Variants in ITPRID1 observed in about 807,000 individuals in gnomAD.
ITPRID1 encodes the protein protein ITPRID1.
Under a neutral mutation model 95.4 loss-of-function variants are expected in ITPRID1, and 96 were observed. The ratio of observed to expected loss-of-function variants is 1.01; its 90% CI spans 0.85 to 1.19. ITPRID1 has a LOEUF of 1.19. ITPRID1 is among the 50% of genes most tolerant of loss of function. The pLI is 0.00. For missense variants in ITPRID1, 1,339 were observed against 1,252.9 expected (o/e 1.07, Z -1.04); for synonymous variants, 510 against 453.6 (o/e 1.12, Z -1.58).
intron 2 of ITPRID1, among the ~76,000 whole-genome samples, chr7:31,551,259 A>G (rs68091767): frequency 0.3 from 43,087 of 142,614 alleles, 10,850 homozygotes; most frequent in Middle Eastern, 0.48. Flanking sequence ...ACTGCTGAAG[A>G]GTTATGTGTT....
chr7:31,594,108 C>T (rs895635054), intron 10 of ITPRID1, among the ~76,000 whole-genome samples: 15 of 152,096 alleles, frequency 9.9e-5, no homozygotes, highest in East Asian at 3.9e-4. Flanking sequence ...TTCTATGTTG[C>T]GATACCCAAA....
intron 1 of ITPRID1, among the ~76,000 whole-genome samples, chr7:31,537,095 T>TTGTG (rs66543091): frequency 0.019 from 2,785 of 145,544 alleles, 24 homozygotes; most frequent in Middle Eastern, 0.031. Flanking sequence ...GGTGTGTGTG[T>TTGTG]TGTGTGTGTG....
chr7:31,615,964 C>T (rs192669472), intron 10 of ITPRID1, among the ~76,000 whole-genome samples: 34 of 151,980 alleles, frequency 2.2e-4, no homozygotes, highest in African/African-American at 4.8e-4. Context: ...ACTGTGGTCT[C>T]GCTCTCCTGA....
intron 10 of ITPRID1, among the ~76,000 whole-genome samples, chr7:31,599,694 T>TCTCTCTCTCTCTCTCTCTC (rs1562599189): frequency 1.0e-5 from 1 of 95,888 alleles, no homozygotes; most frequent in African/African-American, 4.4e-5. Context: ...CTCTCTCTCT[T>TCTCTCTCTCTCTCTCTCTC]TCTTTCTTTC....
At chr7:31,591,039 T>G (rs146467270) in intron 10 of ITPRID1, among the ~76,000 whole-genome samples, 1 of 152,146 alleles carries the variant, frequency 6.6e-6, no homozygotes. Flanking sequence ...AGGAGTCCCT[T>G]GCATCTGGGA....
rs537252825 is a variant in ITPRID1, at chr7:31,614,029, A to G, written c.1229-28147A>G. Among the ~76,000 whole-genome samples the G allele has an allele frequency of 5.9e-5, 9 of 152,340 alleles. No individual in the cohort carries two copies. The South Asian group carries it at 1.5e-3, about 25-fold the overall frequency. Reference sequence around the variant, plus strand: ...GCTCAGAGGAGTAAAGTGACTTGCCATGAACAACCAGCTGGTAGGCACCAG... The same window carrying G: ...GCTCAGAGGAGTAAAGTGACTTGCCGTGAACAACCAGCTGGTAGGCACCAG... On this transcript the variant is annotated intron_variant, in intron 10 of 14. Transcript: ENST00000615280.
chr7:31,642,963 A>G lies in ITPRID1; in HGVS notation c.1593A>G (p.Gly531=). 6.2e-7 allele frequency: 1 copy of G among 1,614,018 alleles called. No individual in the cohort carries two copies. The highest frequency in any genetic ancestry group is 8.5e-7 in the Non-Finnish European group (1 of 1,179,892). ...DMACAKTTTR[G]ECPRKDSHLW... is the part of the protein sequence containing the mutation. ...CCTGTGCCAAGACCACCACGAGGGG[A>G]GAATGCCCAAGGAAAGACAGCCATC... The change falls in exon 12 of 15, where the codon GGA becomes GGG. Residue 531 remains glycine (G), a synonymous_variant. Transcript: ENST00000615280.
chr7:31,555,051 G>A (rs1400964687), intron 5 of ITPRID1, 150 bp downstream of exon 5: 2 of 624,740 alleles, frequency 3.2e-6, no homozygotes, highest in East Asian at 5.8e-5. Flanking sequence ...CTCTTCATTT[G>A]ACATATGACT....
intron 10 of ITPRID1, among the ~76,000 whole-genome samples, chr7:31,614,936 C>G (rs1468212316): frequency 1.3e-5 from 2 of 152,156 alleles, no homozygotes; most frequent in East Asian, 3.8e-4. Context: ...CACCACACCT[C>G]ACTGAGGGTC....
rs566104313 is a variant in ITPRID1, at chr7:31,565,762, C to T, written c.257-3996C>T. The stretch of plus-strand genomic sequence containing the variant: ...CAAAAAAATAAAAAATAAAAAAGTA[C>T]AGGAGTCTGATAGCTGCATTTGTAC... On this transcript the variant is annotated intron_variant, in intron 5 of 14. Transcript: ENST00000615280. Among the ~76,000 whole-genome samples the T allele has an allele frequency of 2.4e-3, 161 of 67,030 alleles. 1 individual carries two copies. The highest frequency in any genetic ancestry group is 4.0e-3 in the Non-Finnish European group (121 of 30,330). The allele number at this position is 67,030 out of a possible 152,430, so 44.0% of individuals were successfully genotyped here.
intron 5 of ITPRID1, among the ~76,000 whole-genome samples, chr7:31,560,216 T>C (rs1009268): frequency 0.23 from 35,342 of 152,042 alleles, 4,193 homozygotes; most frequent in East Asian, 0.33. Flanking sequence ...GTTCCAGGAA[T>C]AGCAAGGATG....
chr7:31,516,756 G>T (rs778376153), intron 1 of ITPRID1, among the ~76,000 whole-genome samples: 129 of 152,292 alleles, frequency 8.5e-4, no homozygotes, highest in Non-Finnish European at 1.3e-3. Flanking sequence ...ACTTCTCTGT[G>T]ACAAGATGTG....
At chr7:31,524,806 G>C (rs1783373293) in intron 1 of ITPRID1, among the ~76,000 whole-genome samples, 1 of 152,082 alleles carries the variant, frequency 6.6e-6, no homozygotes, top group South Asian at 2.1e-4. Flanking sequence ...TTGTTTATGA[G>C]TCTATCTTCA....
chr7:31,598,398 C>CTTT (rs869161999), intron 10 of ITPRID1, among the ~76,000 whole-genome samples: 131 of 106,812 alleles, frequency 1.2e-3, no homozygotes, highest in African/African-American at 1.6e-3. Flanking sequence ...TTTTTTTTTT[C>CTTT]TTTTTTTTTT....
At position 31,643,259 on chromosome 7, in the gene ITPRID1, A is replaced by G; in HGVS notation, c.1889A>G (p.Asn630Ser). The change falls in exon 12 of 15, where the codon AAC becomes AGC. Residue 630 changes from asparagine (N) to serine (S), a missense_variant. Asn to Ser is a conservative substitution (Grantham distance 46, BLOSUM62 1). Transcript: ENST00000615280. Reference protein sequence around the residue: ...EESSGFCPHTNHSLLVPESSS... With the variant: ...EESSGFCPHTSHSLLVPESSS... ...AGCAGTGGATTCTGTCCTCACACCA[A>G]CCACAGCTTACTCGTACCAGAAAGC... 1.9e-6 allele frequency: 3 copies of G among 1,613,738 alleles called. No homozygotes were observed. Among genetic ancestry groups the G allele is most frequent in the South Asian group, 1.1e-5 (1 of 91,058 alleles).
chr7:31,651,972 G>A lies in ITPRID1; in HGVS notation c.2745G>A (p.Glu915=), dbSNP rs757370257. 1.2e-6 allele frequency: 2 copies of A among 1,604,322 alleles called. No individual in the cohort carries two copies. The highest frequency in any genetic ancestry group is 2.3e-5 in the South Asian group (2 of 88,552). ...EEAEQLQTLR[E]ALRQQVAELE... ...CCGAGCAACTGCAAACGTTACGTGA[G>A]GCCCTGAGGCAGCAGGTGGCAGAGT... Residue 915 remains glutamate, a synonymous_variant, in exon 14 of 15, where the codon GAG becomes GAA. Coordinates refer to ENST00000615280, the MANE Select transcript of ITPRID1 (RefSeq NM_001257967.3).
intron 5 of ITPRID1, 162 bp downstream of exon 5, chr7:31,555,063 C>T (rs779941347): frequency 7.1e-5 from 42 of 587,696 alleles, no homozygotes; most frequent in African/African-American, 3.4e-4. Context: ...CATATGACTG[C>T]GACAAAAATG....
intron 10 of ITPRID1, among the ~76,000 whole-genome samples, chr7:31,583,428 C>T (rs1463624062): frequency 6.6e-6 from 1 of 152,066 alleles, no homozygotes; most frequent in African/African-American, 2.4e-5. Context: ...GAGTTCAAGA[C>T]CAGCCTGGCC....
chr7:31,558,083 C>T (rs73085458), intron 5 of ITPRID1, among the ~76,000 whole-genome samples: 20,701 of 151,924 alleles, frequency 0.14, 1,829 homozygotes, highest in Non-Finnish European at 0.19. Flanking sequence ...TTAATTATCA[C>T]GGGAGTGGGC....
Sources: allele counts gnomAD v4.1 joint callset (sites outside exome capture counted in the v4.1 genomes callset), GRCh38; gene constraint gnomAD v4.1.1; transcripts MANE v1.5; gene names NCBI Gene and HGNC (gene_info 2026-07-23, HGNC 2026-07-21).